Variants in SIPA1L2 observed in about 807,000 individuals in gnomAD.
SIPA1L2 encodes signal-induced proliferation-associated 1-like protein 2.
Under a neutral mutation model 163.9 loss-of-function variants are expected in SIPA1L2, and 56 were observed. The observed-to-expected ratio is 0.34, with a 90% CI of 0.28 to 0.43. The LOEUF (loss-of-function observed/expected upper bound fraction) is 0.43, where lower values mean the gene tolerates loss of function less well. Among genes scored for constraint, SIPA1L2 ranks in the 20% least tolerant of loss-of-function variants. SIPA1L2 has a pLI of 1.00. For missense variants in SIPA1L2, 1,974 were observed against 2,193.5 expected (o/e 0.90, Z 2.00); for synonymous variants, 877 against 865.7 (o/e 1.01, Z -0.23).
At chr1:232,409,932 A>G (rs997305447) in intron 19 of SIPA1L2, among the ~76,000 whole-genome samples, 2 of 152,198 alleles carry the variant, frequency 1.3e-5, no homozygotes, top group African/African-American at 2.4e-5. Context: ...TTGAAATTAT[A>G]CTTATAAAAA....
At chr1:232,555,238 A>G (rs982748749) in intron 2 of SIPA1L2, among the ~76,000 whole-genome samples, 1 of 152,230 alleles carries the variant, frequency 6.6e-6, no homozygotes, top group Non-Finnish European at 1.5e-5. Flanking sequence ...AAAAGTTTTC[A>G]GACTCAACAA....
At chr1:232,486,331 T>C (rs564622443) in intron 5 of SIPA1L2, among the ~76,000 whole-genome samples, 5 of 152,328 alleles carry the variant, frequency 3.3e-5, no homozygotes, top group South Asian at 4.1e-4. Context: ...TGAGACCTCA[T>C]TGCTGACTGT....
At chr1:232,425,851 A>G (rs761566962) in intron 17 of SIPA1L2, 43 bp from the exon 18 acceptor site, 112 of 1,550,098 alleles carry the variant, frequency 7.2e-5, no homozygotes, top group Non-Finnish European at 9.2e-5. Context: ...GACATTAAAA[A>G]AACGAATGCA....
At chr1:232,471,969 G>A (rs1428213760) in intron 7 of SIPA1L2, among the ~76,000 whole-genome samples, 1 of 152,176 alleles carries the variant, frequency 6.6e-6, no homozygotes, top group Non-Finnish European at 1.5e-5. Flanking sequence ...GTAAAGTAAC[G>A]TGCATTTCTG....
chr1:232,473,035 T>A (rs1664875920), intron 7 of SIPA1L2, among the ~76,000 whole-genome samples: 1 of 152,194 alleles, frequency 6.6e-6, no homozygotes, highest in South Asian at 2.1e-4. Flanking sequence ...AAACATACAT[T>A]AGTACATCAT....
At chr1:232,493,385 G>A in intron 4 of SIPA1L2, 142 bp downstream of exon 4, 1 of 1,129,470 alleles carries the variant, frequency 8.9e-7, no homozygotes, top group Non-Finnish European at 1.3e-6. Context: ...ATACTGCAAT[G>A]CCCTTTTTAA....
chr1:232,412,559 T>C (rs1661021761), intron 19 of SIPA1L2, among the ~76,000 whole-genome samples: 1 of 152,200 alleles, frequency 6.6e-6, no homozygotes, highest in Non-Finnish European at 1.5e-5. Flanking sequence ...CTGGGTTATC[T>C]ACCTGAAGAC....
chr1:232,426,291 T>C lies in SIPA1L2; in HGVS notation c.4411-483A>G, dbSNP rs1042964309. ...ATAATAATAAGACTAATTGTGAACATTGAAGCTTTGCCGGCCACATAAACA... is the reference window on the plus strand; with the variant it reads ...ATAATAATAAGACTAATTGTGAACACTGAAGCTTTGCCGGCCACATAAACA... On this transcript the variant is annotated intron_variant, in intron 17 of 22. Transcript: ENST00000674635. Among the ~76,000 whole-genome samples the C allele has an allele frequency of 9.9e-5, 15 of 152,056 alleles. 1 individual carries two copies. The highest frequency in any genetic ancestry group is 1.4e-4 in the African/African-American group (6 of 41,450).
In SIPA1L2 at chr1:232,399,024, A is replaced by G; in HGVS notation, c.*103T>C. ...GGTGCTACACAGAATGGAACAGCAA[A>G]AACATCTACGATTGGTTGAAAGCAC... On this transcript the variant is annotated 3_prime_UTR_variant, in exon 23 of 23. Transcript: ENST00000674635. The G allele has an allele frequency of 6.6e-7, 1 of 1,518,054 alleles. No homozygotes were observed. Among genetic ancestry groups the G allele is most frequent in the Non-Finnish European group, 8.9e-7 (1 of 1,118,756 alleles). The allele number at this position is 1,518,054 out of a possible 1,614,324, so 94.0% of individuals were successfully genotyped here.
At chr1:232,570,685 T>G (rs1659675346) in intron 2 of SIPA1L2, among the ~76,000 whole-genome samples, 1 of 152,256 alleles carries the variant, frequency 6.6e-6, no homozygotes, top group African/African-American at 2.4e-5. Flanking sequence ...TTTACTTTCC[T>G]CTGTGCTCTT....
chr1:232,543,810 G>A (rs973244403), intron 2 of SIPA1L2, among the ~76,000 whole-genome samples: 7 of 152,136 alleles, frequency 4.6e-5, no homozygotes, highest in Non-Finnish European at 8.8e-5. Context: ...TGAGGCTACC[G>A]GGAGCTATGA....
In SIPA1L2 at chr1:232,454,189, C is replaced by T. The variant is rs535732036; in HGVS notation, c.3095+6698G>A. Among the ~76,000 whole-genome samples the T allele has an allele frequency of 2.1e-4, 32 of 152,146 alleles. 1 individual carries two copies. Among genetic ancestry groups the T allele is most frequent in the African/African-American group, 3.6e-4 (15 of 41,522 alleles). Reference sequence around the variant, plus strand: ...TAGTAACTTGCTTTTCAACAAATTCCTTAATTTACAGATAGAAACAGAGAT... The same window carrying T: ...TAGTAACTTGCTTTTCAACAAATTCTTTAATTTACAGATAGAAACAGAGAT... On this transcript the variant is annotated intron_variant, in intron 10 of 22. Transcript: ENST00000674635.
Position 232,398,987 on chromosome 1 carries a change from G to A in SIPA1L2, c.*140C>T. ...AGAAAGAGTCGAGGCTCCCTATCCT[G>A]CTGTGGTGAATGGTGCTACACAGAA... On this transcript the variant is annotated 3_prime_UTR_variant, in exon 23 of 23. Coordinates refer to ENST00000674635, the MANE Select transcript of SIPA1L2 (RefSeq NM_020808.5). The A allele has an allele frequency of 8.6e-7, 1 of 1,165,352 alleles. No individual in the cohort carries two copies. The highest frequency in any genetic ancestry group is 1.2e-6 in the Non-Finnish European group (1 of 831,776). 72.2% of individuals were successfully genotyped at this position (1,165,352 alleles called of 1,614,324 possible). A position where few individuals can be genotyped will look rare whatever the true frequency, so the allele number is the denominator to read the frequency against.
chr1:232,531,944 G>A (rs1450152828), intron 2 of SIPA1L2, among the ~76,000 whole-genome samples: 2 of 152,178 alleles, frequency 1.3e-5, no homozygotes, highest in Admixed American at 6.5e-5. Context: ...AAGACAGCAA[G>A]CACACAGGTT....
intron 8 of SIPA1L2, among the ~76,000 whole-genome samples, chr1:232,469,928 G>A (rs1467034185): frequency 1.3e-5 from 2 of 151,392 alleles, no homozygotes; most frequent in African/African-American, 4.9e-5. Flanking sequence ...AATTTTTTGT[G>A]CTAATGAATT....
intron 2 of SIPA1L2, among the ~76,000 whole-genome samples, chr1:232,525,909 C>A (rs894806887): frequency 6.6e-6 from 1 of 152,176 alleles, no homozygotes; most frequent in South Asian, 2.1e-4. Flanking sequence ...GATTTACTCC[C>A]GTGCATATGT....
At chr1:232,430,230 C>A (rs1373971383) in intron 16 of SIPA1L2, among the ~76,000 whole-genome samples, 1 of 152,160 alleles carries the variant, frequency 6.6e-6, no homozygotes, top group Non-Finnish European at 1.5e-5. Flanking sequence ...GTAGGAAGTA[C>A]TGAGCTAGCG....
In SIPA1L2 at chr1:232,571,301, T is replaced by C. The variant is rs187248597; in HGVS notation, c.-270+2873A>G. ...AGACAATGAGAAGATGTCTACAATA[T>C]ATTGGTAAGTGAAAATAAAGGCAAT... On this transcript the variant is annotated intron_variant, in intron 2 of 22. Transcript: ENST00000674635. Among the ~76,000 whole-genome samples the C allele has an allele frequency of 1.2e-3, 181 of 152,294 alleles. 1 individual carries two copies. Among genetic ancestry groups the C allele is most frequent in the African/African-American group, 4.1e-3 (169 of 41,558 alleles).
At chr1:232,618,251 G>C (rs1662607570) in intron 1 of SIPA1L2, among the ~76,000 whole-genome samples, 1 of 152,220 alleles carries the variant, frequency 6.6e-6, no homozygotes, top group African/African-American at 2.4e-5. Context: ...CTGAAGGAAG[G>C]GAGCATCAGC....
Sources: gnomAD v4.1 joint callset for allele counts (sites outside exome capture counted in the v4.1 genomes callset) on GRCh38, gnomAD v4.1.1 for gene constraint, MANE v1.5 for transcripts, NCBI Gene and HGNC (gene_info 2026-07-23, HGNC 2026-07-21) for gene names.